PAG1: variants seen among roughly 807,000 people sequenced by gnomAD.
PAG1 encodes the protein phosphoprotein membrane anchor with glycosphingolipid microdomains 1.
Under a neutral mutation model 31.7 loss-of-function variants are expected in PAG1, and 23 were observed. The ratio of observed to expected loss-of-function variants is 0.73; its 90% confidence interval spans 0.52 to 1.03. The LOEUF (loss-of-function observed/expected upper bound fraction) is 1.03, where lower values mean the gene tolerates loss of function less well. PAG1 is among the 50% of genes least tolerant of loss of function. The probability of loss-of-function intolerance (pLI) is 0.00; values close to 1 mark genes in which losing one functional copy is unlikely to be tolerated. For synonymous variants in PAG1, 214 were observed against 210.3 expected (o/e 1.02, Z -0.15); for missense variants, 473 against 540.7 (o/e 0.87, Z 1.24).
chr8:81,069,882 A>C (rs1809066458), intron 2 of PAG1, among the ~76,000 whole-genome samples: 1 of 152,222 alleles, frequency 6.6e-6, no homozygotes, highest in African/African-American at 2.4e-5. Flanking sequence ...ATGTTGTAGG[A>C]AGTATACCCA....
At position 80,985,341 on chromosome 8, in the gene PAG1, T is replaced by C; in HGVS notation, c.311A>G (p.His104Arg). The C allele has an allele frequency of 1.2e-6, 2 of 1,614,138 alleles. No homozygotes were observed. The highest frequency in any genetic ancestry group is 8.5e-7 in the Non-Finnish European group (1 of 1,179,984). Reference sequence around the variant, plus strand: ...GGCCGATGTCTGGACTTCCTCGTAATGCTGCATGCAGGTCAGAGTACTGTC... The same window carrying C: ...GGCCGATGTCTGGACTTCCTCGTAACGCTGCATGCAGGTCAGAGTACTGTC... ...SEDSTLTCMQ[H>R]YEEVQTSASD... Residue 104 changes from histidine to arginine, a missense_variant, in exon 7 of 9, where the codon CAT (histidine) becomes CGT (arginine). His to Arg is a conservative substitution (Grantham distance 29, BLOSUM62 0). Coordinates refer to ENST00000220597, the MANE Select transcript of PAG1 (RefSeq NM_018440.4).
intron 1 of PAG1, among the ~76,000 whole-genome samples, chr8:81,099,881 G>A (rs1022447955): frequency 6.6e-6 from 1 of 152,162 alleles, no homozygotes; most frequent in African/African-American, 2.4e-5. Context: ...ACTAGAACTC[G>A]ATGAAGATGA....
At chr8:80,991,979 G>C (rs1010697658) in intron 4 of PAG1, among the ~76,000 whole-genome samples, 2 of 152,008 alleles carry the variant, frequency 1.3e-5, no homozygotes, top group Non-Finnish European at 2.9e-5. Context: ...ATGCTCTCAG[G>C]GTGAGTCATA....
chr8:81,094,664 G>GA lies in PAG1; in HGVS notation c.-234+16926dup, dbSNP rs550928654. Among the ~76,000 whole-genome samples the GA allele has an allele frequency of 4.7e-4, 71 of 150,726 alleles. No individual in the cohort carries two copies. The South Asian group carries it at 0.012, about 24-fold the overall frequency. On this transcript the variant is annotated intron_variant, in intron 1 of 8. Coordinates refer to ENST00000220597, the MANE Select transcript of PAG1 (RefSeq NM_018440.4). ...AGAACTTAAAATTCTAGCTTTGAGG[G>GA]AAAAAAAAATTAAACTTCTTCAGAA...
At chr8:81,051,108 T>C (rs1296546871) in intron 2 of PAG1, among the ~76,000 whole-genome samples, 1 of 152,224 alleles carries the variant, frequency 6.6e-6, no homozygotes, top group Admixed American at 6.5e-5. Flanking sequence ...CATCCATCTG[T>C]AAGCTGTCTC....
Position 81,033,902 on chromosome 8 carries a change from T to C in PAG1, c.-174-3813A>G, listed in dbSNP as rs146314971. Among the ~76,000 whole-genome samples the C allele has an allele frequency of 3.1e-3, 477 of 152,322 alleles. 4 individuals are homozygous for C. Among genetic ancestry groups the C allele is most frequent in the African/African-American group, 0.011 (456 of 41,576 alleles). On this transcript the variant is annotated intron_variant, in intron 2 of 8. Transcript: ENST00000220597. Reference sequence around the variant, plus strand: ...TAAGGAAAGGAGTGTTTTCTCGAGGTTATATCCTAACAGTCTCTTCTGGGG... The same window carrying C: ...TAAGGAAAGGAGTGTTTTCTCGAGGCTATATCCTAACAGTCTCTTCTGGGG...
chr8:81,106,757 G>A (rs892114454), intron 1 of PAG1, among the ~76,000 whole-genome samples: 1 of 152,094 alleles, frequency 6.6e-6, no homozygotes, highest in African/African-American at 2.4e-5. Context: ...ATTACGAGAT[G>A]GTTTTAAAAT....
chr8:81,063,409 G>C (rs1808950163), intron 2 of PAG1, among the ~76,000 whole-genome samples: 1 of 152,238 alleles, frequency 6.6e-6, no homozygotes, highest in Non-Finnish European at 1.5e-5. Context: ...CGACTGAACA[G>C]GAGAGGCCTC....
At chr8:81,108,408 A>G (rs1402033005) in intron 1 of PAG1, among the ~76,000 whole-genome samples, 2 of 152,210 alleles carry the variant, frequency 1.3e-5, no homozygotes, top group Non-Finnish European at 2.9e-5. Flanking sequence ...AGCCTACAGG[A>G]AGAGTAGAAC....
intron 3 of PAG1, among the ~76,000 whole-genome samples, chr8:81,000,181 T>C (rs1362296736): frequency 6.6e-6 from 1 of 152,184 alleles, no homozygotes; most frequent in Non-Finnish European, 1.5e-5. Context: ...AGGGCAGGGA[T>C]GTCTCCACCT....
intron 1 of PAG1, among the ~76,000 whole-genome samples, chr8:81,081,463 A>G (rs1045331935): frequency 4.6e-5 from 7 of 152,188 alleles, no homozygotes; most frequent in Non-Finnish European, 1.0e-4. Context: ...ACTTCTTGCA[A>G]CACTATATTA....
At chr8:81,101,487 T>G (rs1431117885) in intron 1 of PAG1, among the ~76,000 whole-genome samples, 2 of 152,186 alleles carry the variant, frequency 1.3e-5, no homozygotes, top group Non-Finnish European at 2.9e-5. Flanking sequence ...ATGACACCAT[T>G]CTAGTTTTCA....
intron 3 of PAG1, among the ~76,000 whole-genome samples, chr8:81,011,049 C>G (rs921604979): frequency 6.6e-6 from 1 of 152,188 alleles, no homozygotes; most frequent in South Asian, 2.1e-4. Flanking sequence ...CTACACTCAG[C>G]CTTCATCTCA....
chr8:81,095,113 C>T (rs73282030), intron 1 of PAG1, among the ~76,000 whole-genome samples: 5,235 of 152,276 alleles, frequency 0.034, 102 homozygotes, highest in South Asian at 0.049. Context: ...TGCCAATCCA[C>T]GTCATTAGAT....
intron 2 of PAG1, among the ~76,000 whole-genome samples, chr8:81,056,400 C>T (rs1808823509): frequency 1.3e-5 from 2 of 152,066 alleles, no homozygotes; most frequent in Non-Finnish European, 2.9e-5. Flanking sequence ...GAACGGAGCC[C>T]TCAGAAATAA....
chr8:81,047,772 T>C (rs181201094), intron 2 of PAG1, among the ~76,000 whole-genome samples: 3 of 152,360 alleles, frequency 2.0e-5, no homozygotes, highest in South Asian at 4.1e-4. Flanking sequence ...ACATAGGTCA[T>C]ACACTCAGGA....
chr8:80,982,127 A>G (rs139861336), intron 7 of PAG1, among the ~76,000 whole-genome samples: 72 of 152,226 alleles, frequency 4.7e-4, no homozygotes, highest in African/African-American at 1.7e-3. Context: ...CGGCCTCCCA[A>G]AGTGTTACGA....
At chr8:81,063,595 A>C (rs909642156) in intron 2 of PAG1, among the ~76,000 whole-genome samples, 5 of 152,116 alleles carry the variant, frequency 3.3e-5, no homozygotes, top group African/African-American at 1.2e-4. Context: ...ATTCAAAATC[A>C]CCTTATGTTA....
At chr8:81,111,119 A>T (rs536091991) in intron 1 of PAG1, among the ~76,000 whole-genome samples, 1 of 152,354 alleles carries the variant, frequency 6.6e-6, no homozygotes, top group South Asian at 2.1e-4. Flanking sequence ...ACTAGGCTCC[A>T]ATTATGAAAA....
Sources: gnomAD v4.1 joint callset for allele counts (sites outside exome capture counted in the v4.1 genomes callset) on GRCh38, gnomAD v4.1.1 for gene constraint, MANE v1.5 for transcripts, NCBI Gene and HGNC (gene_info 2026-07-23, HGNC 2026-07-21) for gene names.